The following CCDC91 variants were observed in gnomAD, a reference collection of about 807,000 sequenced individuals.
The protein encoded by CCDC91 is coiled-coil domain-containing protein 91.
A neutral mutation model predicts 63.2 loss-of-function variants in CCDC91; 48 were observed. The ratio of observed to expected loss-of-function variants is 0.76; its 90% CI spans 0.60 to 0.97. CCDC91 has a LOEUF of 0.97. Ranked by LOEUF, CCDC91 falls within the 50% of genes least tolerant of loss-of-function variation. The pLI, the probability that CCDC91 is intolerant of heterozygous loss-of-function variation, is 0.00. For synonymous variants in CCDC91, 167 were observed against 165.8 expected, an observed-to-expected ratio of 1.01 and a Z score of -0.06; for missense variants, 500 against 494.6, an observed-to-expected ratio of 1.01 and a Z score of -0.10.
chr12:28,490,269 C>T (rs1951929404), intron 12 of CCDC91, among the ~76,000 whole-genome samples: 1 of 151,764 alleles, frequency 6.6e-6, no homozygotes, highest in South Asian at 2.1e-4. Context: ...AGCATCTGCC[C>T]TTGTAACTTT....
chr12:28,532,527 G>T (rs1387375892), intron 12 of CCDC91, among the ~76,000 whole-genome samples: 2 of 152,052 alleles, frequency 1.3e-5, no homozygotes, highest in Non-Finnish European at 2.9e-5. Context: ...AAATGGGAGA[G>T]ACAGAGGGAT....
intron 8 of CCDC91, among the ~76,000 whole-genome samples, chr12:28,419,892 G>T (rs1001872160): frequency 6.6e-6 from 1 of 151,842 alleles, no homozygotes; most frequent in Non-Finnish European, 1.5e-5. Context: ...GAGTAGCTGG[G>T]ACTACAGGCA....
In CCDC91 at chr12:28,403,924, G is replaced by T. The variant is rs185359244; in HGVS notation, c.762+12513G>T. 3.3e-5 allele frequency among the ~76,000 whole-genome samples: 5 copies of T among 151,490 alleles called. No homozygotes were observed. In the East Asian group the frequency reaches 9.7e-4, roughly 29 times the overall value. On this transcript the variant is annotated intron_variant, in intron 8 of 12. Coordinates refer to ENST00000536442, the MANE Select transcript of CCDC91 (RefSeq NM_018318.5). ...TTGTGTTCATTTCTTCTTTTTTCTT[G>T]GCTAGTCTGCTAGAGCCTTATCAGT...
At chr12:28,411,799 A>G (rs1947333472) in intron 8 of CCDC91, among the ~76,000 whole-genome samples, 1 of 152,234 alleles carries the variant, frequency 6.6e-6, no homozygotes, top group African/African-American at 2.4e-5. Flanking sequence ...AAATGAAAAA[A>G]GAAACCAAGC....
chr12:28,357,635 CAGG>C lies in CCDC91; in HGVS notation c.577-4800_577-4798del, dbSNP rs531912736. 3.5e-3 allele frequency among the ~76,000 whole-genome samples: 535 copies of C among 152,008 alleles called. 3 individuals are homozygous for C. The highest frequency in any genetic ancestry group is 6.0e-3 in the South Asian group (29 of 4,820). ...TTCAAATAAGCATTAGGGTGGCTAT[CAGG>C]AGATCTGATTTAGGGTTTGCTGTGC... On this transcript the variant is annotated intron_variant, in intron 6 of 12. Coordinates refer to ENST00000536442, the MANE Select transcript of CCDC91 (RefSeq NM_018318.5).
intron 1 of CCDC91, chr12:28,236,099 G>A (rs1944929245): frequency 6.6e-6 from 1 of 152,060 alleles, no homozygotes; most frequent in South Asian, 2.1e-4. Flanking sequence ...CTGAGTTTGT[G>A]TCATGCTTTG....
At chr12:28,305,880 T>A (rs1336768327) in intron 4 of CCDC91, 74 bp downstream of exon 4, 36 of 1,295,484 alleles carry the variant, frequency 2.8e-5, no homozygotes, top group East Asian at 7.1e-5. Flanking sequence ...GTTGCTTTTT[T>A]AATTTCTTTT....
chr12:28,359,723 A>G (rs1403704379), intron 6 of CCDC91, among the ~76,000 whole-genome samples: 2 of 150,138 alleles, frequency 1.3e-5, no homozygotes, highest in Non-Finnish European at 2.9e-5. Context: ...GGATATATGC[A>G]TCCCAAGAAC....
At chr12:28,496,058 G>C (rs532966017) in intron 12 of CCDC91, among the ~76,000 whole-genome samples, 1 of 151,532 alleles carries the variant, frequency 6.6e-6, no homozygotes, top group Non-Finnish European at 1.5e-5. Flanking sequence ...TATCAACCAG[G>C]GTTCTTCTTT....
chr12:28,395,075 T>C (rs1450222462), intron 8 of CCDC91, among the ~76,000 whole-genome samples: 1 of 152,216 alleles, frequency 6.6e-6, no homozygotes, highest in Admixed American at 6.5e-5. Flanking sequence ...TTTTCTAATT[T>C]CTAGTCTTTA....
intron 3 of CCDC91, among the ~76,000 whole-genome samples, chr12:28,288,101 G>A (rs770100941): frequency 6.6e-6 from 1 of 152,192 alleles, no homozygotes; most frequent in Non-Finnish European, 1.5e-5. Context: ...GAGCTTTTGG[G>A]TGGACACAGT....
chr12:28,208,718 A>T (rs748561430), intron 1 of CCDC91, among the ~76,000 whole-genome samples: 2 of 152,204 alleles, frequency 1.3e-5, no homozygotes, highest in Admixed American at 6.5e-5. Flanking sequence ...TCATTGATAG[A>T]GGGAAGACTT....
At chr12:28,539,600 C>G (rs1399647030) in intron 12 of CCDC91, among the ~76,000 whole-genome samples, 2 of 152,084 alleles carry the variant, frequency 1.3e-5, no homozygotes, top group East Asian at 3.9e-4. Context: ...TTTTCAACAT[C>G]TGTTTGAGAA....
At chr12:28,192,739 G>C (rs1941367836) in intron 1 of CCDC91, among the ~76,000 whole-genome samples, 1 of 151,984 alleles carries the variant, frequency 6.6e-6, no homozygotes, top group Admixed American at 6.5e-5. Context: ...TTTTTAAAAA[G>C]GGCATATGTT....
rs142388077 is a variant in CCDC91 at position 28,220,939 on chromosome 12, G to T, written c.-15+30298G>T. Among the ~76,000 whole-genome samples the T allele has an allele frequency of 1.1e-3, 166 of 151,736 alleles. 2 individuals are homozygous for T. Among genetic ancestry groups the T allele is most frequent in the African/African-American group, 3.9e-3 (160 of 41,388 alleles). Reference sequence around the variant, plus strand: ...GATTTCTTTATGTTTGTTCTTTCTCGCTATTCTTTAGCTTCTTGGGTCTCT... The same window carrying T: ...GATTTCTTTATGTTTGTTCTTTCTCTCTATTCTTTAGCTTCTTGGGTCTCT... On this transcript the variant is annotated intron_variant, in intron 1 of 12. Transcript: ENST00000536442.
At chr12:28,508,612 T>C (rs1939014819) in intron 12 of CCDC91, among the ~76,000 whole-genome samples, 1 of 151,908 alleles carries the variant, frequency 6.6e-6, no homozygotes, top group Admixed American at 6.6e-5. Flanking sequence ...TTTATTTCCC[T>C]GTATAGCGTT....
At chr12:28,324,438 T>C (rs942052798) in intron 6 of CCDC91, among the ~76,000 whole-genome samples, 8 of 151,892 alleles carry the variant, frequency 5.3e-5, no homozygotes, top group African/African-American at 1.9e-4. Context: ...CTCTCTCAAA[T>C]CATTAACATT....
At chr12:28,262,320 G>A (rs1946876097) in intron 3 of CCDC91, among the ~76,000 whole-genome samples, 1 of 151,958 alleles carries the variant, frequency 6.6e-6, no homozygotes, top group South Asian at 2.1e-4. Flanking sequence ...AATCCAAGAA[G>A]AGCACTAAGA....
intron 1 of CCDC91, among the ~76,000 whole-genome samples, chr12:28,225,091 C>G (rs1483314902): frequency 6.6e-6 from 1 of 152,134 alleles, no homozygotes; most frequent in East Asian, 1.9e-4. Flanking sequence ...TTTCCACTAC[C>G]TTGGGATCTC....
Sources: allele counts gnomAD v4.1 joint callset (sites outside exome capture counted in the v4.1 genomes callset), GRCh38; gene constraint gnomAD v4.1.1; transcripts MANE v1.5; gene names NCBI Gene and HGNC (gene_info 2026-07-23, HGNC 2026-07-21).